The following OSBPL3 variants were observed in gnomAD, a reference collection of about 807,000 sequenced individuals.
OSBPL3 encodes the protein oxysterol-binding protein-related protein 3.
A neutral mutation model predicts 120.1 loss-of-function variants in OSBPL3; 65 were observed. The ratio of observed to expected loss-of-function variants is 0.54; its 90% CI spans 0.44 to 0.67. The LOEUF (loss-of-function observed/expected upper bound fraction) is 0.67. OSBPL3 is among the 30% of genes least tolerant of loss of function. The pLI is 0.00. For synonymous variants in OSBPL3, 416 were observed against 402.6 expected, an observed-to-expected ratio of 1.03 and a Z score of -0.40; for missense variants, 1,004 against 1,082.1, an observed-to-expected ratio of 0.93 and a Z score of 1.01.
rs1811935819 is a variant in OSBPL3, at chr7:24,932,702, C to A, written c.-149-40081G>T. On this transcript the variant is annotated intron_variant, in intron 1 of 22. Transcript: ENST00000313367. This position sits in a 1 kb window ranked among gnomAD's most constrained non-coding sequence, Gnocchi z 5.6. ...AGTACTTCGATCTTGCATTTTCCAG[C>A]CTCCAGAACTACGAGAAGTAAATTT... 6.6e-6 allele frequency among the ~76,000 whole-genome samples: 1 copy of A among 152,212 alleles called. No individual in the cohort carries two copies. The highest frequency in any genetic ancestry group is 1.5e-5 in the Non-Finnish European group (1 of 68,040).
rs1562991793 is a variant in OSBPL3, at chr7:24,939,729, G to A, written c.-150+40157C>T. ...GTATCAAACATTAACAGGCCAAAATGTCATCAAGAGGCCTTGGGAGACAGT... is the reference window on the plus strand; with the variant it reads ...GTATCAAACATTAACAGGCCAAAATATCATCAAGAGGCCTTGGGAGACAGT... On this transcript the variant is annotated intron_variant, in intron 1 of 22. Transcript: ENST00000313367. This position sits in a 1 kb window ranked among gnomAD's most constrained non-coding sequence, Gnocchi z 4.2. 6.6e-6 allele frequency among the ~76,000 whole-genome samples: 1 copy of A among 152,108 alleles called. No homozygotes were observed. Among genetic ancestry groups the A allele is most frequent in the South Asian group, 2.1e-4 (1 of 4,820 alleles).
At chr7:24,857,343 C>T (rs907097192) in intron 10 of OSBPL3, among the ~76,000 whole-genome samples, 1 of 152,188 alleles carries the variant, frequency 6.6e-6, no homozygotes, top group Non-Finnish European at 1.5e-5. Flanking sequence ...AACACCTGAC[C>T]CTAGCCCTGT....
chr7:24,823,054 C>T (rs78345024), intron 16 of OSBPL3, among the ~76,000 whole-genome samples: 2,249 of 152,258 alleles, frequency 0.015, 18 homozygotes, highest in Non-Finnish European at 0.025. Context: ...ATATTTCCTC[C>T]TATTTCTGGA....
chr7:24,959,797 G>C lies in OSBPL3; in HGVS notation c.-150+20089C>G, dbSNP rs540074453. The stretch of plus-strand genomic sequence containing the variant: ...TTTTCTAAATGCTGACATGCTTATC[G>C]GCCACTTGTAAAACCCAGCTGACCT... On this transcript the variant is annotated intron_variant, in intron 1 of 22. Transcript: ENST00000313367. The surrounding 1 kb of genome is among the most constrained non-coding windows in gnomAD (Gnocchi z 4.3). Among the ~76,000 whole-genome samples the C allele has an allele frequency of 1.3e-5, 2 of 152,038 alleles. No individual in the cohort carries two copies. The highest frequency in any genetic ancestry group is 2.9e-5 in the Non-Finnish European group (2 of 68,012).
chr7:24,892,649 C>A, intron 1 of OSBPL3, 28 bp from the exon 2 acceptor site: 1 of 1,327,814 alleles, frequency 7.5e-7, no homozygotes, highest in Non-Finnish European at 9.7e-7. Context: ...GAAAGAAGGT[C>A]AGAGGCATCA....
At chr7:24,941,879 C>T (rs936572978) in intron 1 of OSBPL3, among the ~76,000 whole-genome samples, 1 of 152,178 alleles carries the variant, frequency 6.6e-6, no homozygotes, top group African/African-American at 2.4e-5. Context: ...ACCTTCCTTT[C>T]CCCCTTTATC....
intron 1 of OSBPL3, among the ~76,000 whole-genome samples, chr7:24,928,600 T>C (rs1325396692): frequency 6.6e-6 from 1 of 152,316 alleles, no homozygotes; most frequent in African/African-American, 2.4e-5. Flanking sequence ...CAAATGTATA[T>C]GCCTATGTAA....
chr7:24,886,014 C>A (rs1804477474), intron 2 of OSBPL3, among the ~76,000 whole-genome samples: 1 of 152,170 alleles, frequency 6.6e-6, no homozygotes, highest in African/African-American at 2.4e-5. Flanking sequence ...TAGCAATTCT[C>A]CCTCCCACTT....
intron 2 of OSBPL3, among the ~76,000 whole-genome samples, chr7:24,884,090 AC>A (rs200171227): frequency 4.5e-3 from 400 of 88,546 alleles, no homozygotes; most frequent in Non-Finnish European, 5.2e-3. Context: ...AACAGCAACA[AC>A]AAAAAAAAAC....
Position 24,830,682 on chromosome 7 carries a change from A to G in OSBPL3, c.1884+86T>C. ...ATCTCGGCTGCTTTGAAGCCAGTGAAAGGTGGAAGATAAATATTTCAGAAG... is the reference window on the plus strand; with the variant it reads ...ATCTCGGCTGCTTTGAAGCCAGTGAGAGGTGGAAGATAAATATTTCAGAAG... On this transcript the variant is annotated intron_variant, in intron 16 of 22. Coordinates refer to ENST00000313367, the MANE Select transcript of OSBPL3 (RefSeq NM_015550.4). This position sits in a 1 kb window ranked among gnomAD's most constrained non-coding sequence, Gnocchi z 4.4. 1 of 1,269,248 alleles carries G rather than the reference A, an allele frequency of 7.9e-7. No individual in the cohort carries two copies. The highest frequency in any genetic ancestry group is 1.1e-6 in the Non-Finnish European group (1 of 911,194). 78.6% of individuals were successfully genotyped at this position (1,269,248 alleles called of 1,614,324 possible). A position where few individuals can be genotyped will look rare whatever the true frequency, so the allele number is the denominator to read the frequency against.
rs1196480805 is a variant in OSBPL3 at position 24,835,333 on chromosome 7, C to T, written c.1496-597G>A. On this transcript the variant is annotated intron_variant, in intron 14 of 22. Transcript: ENST00000313367. The surrounding 1 kb of genome is among the most constrained non-coding windows in gnomAD (Gnocchi z 4.8). ...TCAGTTTTTGCTCAATATCACTAAT[C>T]ATTAGAGAAATGCAAATCAAAACCA... Among the ~76,000 whole-genome samples, 2 of 152,062 alleles carry T rather than the reference C, an allele frequency of 1.3e-5. No homozygotes were observed. The highest frequency in any genetic ancestry group is 4.8e-5 in the African/African-American group (2 of 41,384).
intron 1 of OSBPL3, among the ~76,000 whole-genome samples, chr7:24,928,413 G>C (rs186168275): frequency 3.0e-4 from 45 of 152,070 alleles, no homozygotes; most frequent in Non-Finnish European, 5.1e-4. Context: ...GGATGGTCTC[G>C]ATCTCCTGAC....
intron 1 of OSBPL3, among the ~76,000 whole-genome samples, chr7:24,928,326 G>A (rs1245413390): frequency 1.3e-5 from 2 of 151,792 alleles, no homozygotes; most frequent in South Asian, 4.2e-4. Context: ...CGAGTAGCTG[G>A]GACTATAGGC....
intron 1 of OSBPL3, 54 bp downstream of exon 1, chr7:24,979,832 C>T: frequency 2.1e-6 from 2 of 962,820 alleles, no homozygotes; most frequent in African/African-American, 1.8e-5. Context: ...GCCCGCGCCG[C>T]CGCCAGGCCC....
Position 24,830,661 on chromosome 7 carries a change from C to T in OSBPL3, c.1884+107G>A, listed in dbSNP as rs138479925. ...ATGTTGAAAAGCACTGTAATTATCT[C>T]GGCTGCTTTGAAGCCAGTGAAAGGT... On this transcript the variant is annotated intron_variant, in intron 16 of 22. Coordinates refer to ENST00000313367, the MANE Select transcript of OSBPL3 (RefSeq NM_015550.4). This position sits in a 1 kb window ranked among gnomAD's most constrained non-coding sequence, Gnocchi z 4.4. The T allele has an allele frequency of 5.1e-5, 56 of 1,099,388 alleles. No homozygotes were observed. The highest frequency in any genetic ancestry group is 5.0e-4 in the Middle Eastern group (2 of 3,966). The allele number at this position is 1,099,388 out of a possible 1,614,324, so 68.1% of individuals were successfully genotyped here.
rs1799124287 is a variant in OSBPL3 at position 24,851,290 on chromosome 7, C to G, written c.1158+1214G>C. ...AAAAGGGGGCGATTCTATCTGTGAC[C>G]TTAAGACAACGTTAAGACTCTTCTT... is the stretch of plus-strand genomic sequence containing the variant. On this transcript the variant is annotated intron_variant, in intron 11 of 22. Coordinates refer to ENST00000313367, the MANE Select transcript of OSBPL3 (RefSeq NM_015550.4). The surrounding 1 kb of genome is among the most constrained non-coding windows in gnomAD (Gnocchi z 4.1). Among the ~76,000 whole-genome samples the G allele has an allele frequency of 6.6e-6, 1 of 152,182 alleles. No homozygotes were observed. Among genetic ancestry groups the G allele is most frequent in the South Asian group, 2.1e-4 (1 of 4,816 alleles).
chr7:24,865,556 C>T, intron 6 of OSBPL3, 91 bp from the exon 7 acceptor site: 1 of 1,213,810 alleles, frequency 8.2e-7, no homozygotes, highest in Non-Finnish European at 1.2e-6. Context: ...GGGCTAGTCA[C>T]TAATGGACAC....
At chr7:24,874,022 C>T (rs1000566869) in intron 2 of OSBPL3, among the ~76,000 whole-genome samples, 11 of 152,270 alleles carry the variant, frequency 7.2e-5, no homozygotes, top group African/African-American at 9.6e-5. Flanking sequence ...ATAAAGGGTC[C>T]GGAGTATTTC....
At position 24,933,915 on chromosome 7, in the gene OSBPL3, G is replaced by C. The variant is rs772045678; in HGVS notation, c.-149-41294C>G. Among the ~76,000 whole-genome samples the C allele has an allele frequency of 3.3e-5, 5 of 152,138 alleles. No individual in the cohort carries two copies. Among genetic ancestry groups the C allele is most frequent in the Non-Finnish European group, 7.4e-5 (5 of 68,018 alleles). On this transcript the variant is annotated intron_variant, in intron 1 of 22. Coordinates refer to ENST00000313367, the MANE Select transcript of OSBPL3 (RefSeq NM_015550.4). This position sits in a 1 kb window ranked among gnomAD's most constrained non-coding sequence, Gnocchi z 5.1. ...AAACAACAAATACTAAGATTTGTTG[G>C]CATTAAATCAGTTTAGTCTATAAAT...
Sources: allele counts gnomAD v4.1 joint callset (sites outside exome capture counted in the v4.1 genomes callset), GRCh38; gene constraint gnomAD v4.1.1; non-coding constraint Gnocchi (gnomAD v3.1); transcripts MANE v1.5; gene names NCBI Gene and HGNC (gene_info 2026-07-23, HGNC 2026-07-21).